NPTN: variants seen among roughly 807,000 people sequenced by gnomAD.
The protein encoded by NPTN is neuroplastin.
Under a neutral mutation model 42.7 loss-of-function variants are expected in NPTN, and 5 were observed. That is an observed-to-expected ratio of 0.12 (90% CI 0.06 to 0.25). The LOEUF (loss-of-function observed/expected upper bound fraction) is 0.25, where lower values mean the gene tolerates loss of function less well. Among genes scored for constraint, NPTN ranks in the 10% least tolerant of loss-of-function variants. NPTN has a pLI of 1.00. For synonymous variants in NPTN, 180 were observed against 201.9 expected, an observed-to-expected ratio of 0.89 and a Z score of 0.92; for missense variants, 307 against 525.4, an observed-to-expected ratio of 0.58 and a Z score of 4.06.
intron 7 of NPTN, among the ~76,000 whole-genome samples, chr15:73,562,914 C>A (rs1894767652): frequency 6.6e-6 from 1 of 151,826 alleles, no homozygotes; most frequent in Admixed American, 6.6e-5. Context: ...AACGTTTTAA[C>A]ATTGACAAAA....
intron 1 of NPTN, among the ~76,000 whole-genome samples, chr15:73,623,880 A>G (rs976568277): frequency 6.6e-6 from 1 of 152,122 alleles, no homozygotes; most frequent in Non-Finnish European, 1.5e-5. Flanking sequence ...GATGAGTGCA[A>G]ATAACTCTAT....
Position 73,569,280 on chromosome 15 carries a change from C to T in NPTN, c.1114+870G>A. The T allele has an allele frequency of 1.0e-6, 1 of 985,562 alleles. No homozygotes were observed. Among genetic ancestry groups the T allele is most frequent in the Non-Finnish European group, 1.2e-6 (1 of 830,022 alleles). The allele number at this position is 985,562 out of a possible 1,614,324, so 61.1% of individuals were successfully genotyped here. On this transcript the variant is annotated intron_variant, in intron 6 of 8. Transcript: ENST00000345330. This position sits in a 1 kb window ranked among gnomAD's most constrained non-coding sequence, Gnocchi z 4.1. ...AGATACAAGTCTCCATCAGCAGCTT[C>T]CCCCTTCACAGGAAAAATCGATCAC...
chr15:73,591,066 T>C (rs1335327407), intron 3 of NPTN, among the ~76,000 whole-genome samples: 1 of 152,226 alleles, frequency 6.6e-6, no homozygotes, highest in Non-Finnish European at 1.5e-5. Flanking sequence ...AAATACAGTA[T>C]TTGGCCTTAA....
chr15:73,614,223 G>T (rs1216339373), intron 1 of NPTN, among the ~76,000 whole-genome samples: 1 of 152,004 alleles, frequency 6.6e-6, no homozygotes, highest in East Asian at 1.9e-4. Flanking sequence ...GGGAGGCTAA[G>T]GTGGGAGGAT....
chr15:73,595,813 C>CCT (rs1376534040), intron 2 of NPTN, among the ~76,000 whole-genome samples: 1 of 152,114 alleles, frequency 6.6e-6, no homozygotes, highest in South Asian at 2.1e-4. Flanking sequence ...GTGGCTTCTC[C>CCT]CTCTCTCTGC....
chr15:73,579,804 G>A (rs897298119), intron 4 of NPTN, among the ~76,000 whole-genome samples: 2 of 152,102 alleles, frequency 1.3e-5, no homozygotes, highest in African/African-American at 4.8e-5. Context: ...TGAGTGAGCT[G>A]TACACATGGA....
chr15:73,615,696 T>A (rs1041310297), intron 1 of NPTN, among the ~76,000 whole-genome samples: 1 of 152,180 alleles, frequency 6.6e-6, no homozygotes, highest in Non-Finnish European at 1.5e-5. Flanking sequence ...AAAAAGTCTA[T>A]GTGGGCCTAT....
rs192281265 is a variant in NPTN, at chr15:73,624,252, G to T, written c.91+8873C>A. Among the ~76,000 whole-genome samples, 12 of 152,312 alleles carry T rather than the reference G, an allele frequency of 7.9e-5. No homozygotes were observed. The East Asian group carries it at 2.3e-3, about 29-fold the overall frequency. On this transcript the variant is annotated intron_variant, in intron 1 of 8. Coordinates refer to ENST00000345330, the MANE Select transcript of NPTN (RefSeq NM_012428.4). Reference sequence around the variant, plus strand: ...GATACGTGATCACTATGTTATTTGTGTAAGGGTAATTCAATGACAGTTCAC... The same window carrying T: ...GATACGTGATCACTATGTTATTTGTTTAAGGGTAATTCAATGACAGTTCAC...
intron 1 of NPTN, among the ~76,000 whole-genome samples, chr15:73,613,829 G>A (rs375974330): frequency 6.6e-6 from 1 of 151,934 alleles, no homozygotes; most frequent in East Asian, 1.9e-4. Context: ...GGGATTACAG[G>A]CGCCCACCAC....
chr15:73,617,432 G>A (rs1301858835), intron 1 of NPTN, among the ~76,000 whole-genome samples: 1 of 152,168 alleles, frequency 6.6e-6, no homozygotes, highest in African/African-American at 2.4e-5. Flanking sequence ...AATGCAGGAG[G>A]ATTCATCCTT....
At chr15:73,619,862 G>C (rs1329332075) in intron 1 of NPTN, among the ~76,000 whole-genome samples, 1 of 152,110 alleles carries the variant, frequency 6.6e-6, no homozygotes, top group Non-Finnish European at 1.5e-5. Context: ...TGGGTATTAG[G>C]GCAAAGAGAA....
intron 6 of NPTN, chr15:73,563,541 A>C: frequency 8.1e-7 from 1 of 1,228,636 alleles, no homozygotes; most frequent in Non-Finnish European, 1.0e-6. Context: ...ATAGGCTGCA[A>C]CATTGTTATA....
chr15:73,565,938 T>C (rs1166257866), intron 6 of NPTN, among the ~76,000 whole-genome samples: 1 of 152,200 alleles, frequency 6.6e-6, no homozygotes, highest in Non-Finnish European at 1.5e-5. Flanking sequence ...AAAGATGGCT[T>C]TAAAGTCCGA....
At chr15:73,591,925 C>T in intron 3 of NPTN, 41 bp downstream of exon 3, 1 of 1,567,202 alleles carries the variant, frequency 6.4e-7, no homozygotes, top group Middle Eastern at 2.1e-4. Context: ...AGCTCAGCCA[C>T]ACTCCCTCCC....
At chr15:73,594,859 TTAGA>T (rs1896758853) in intron 2 of NPTN, among the ~76,000 whole-genome samples, 2 of 151,998 alleles carry the variant, frequency 1.3e-5, no homozygotes, top group Admixed American at 6.6e-5. Flanking sequence ...GAGGTCATTC[TTAGA>T]TAGAACACCT....
At chr15:73,563,993 C>T (rs1894838812) in intron 6 of NPTN, among the ~76,000 whole-genome samples, 1 of 152,096 alleles carries the variant, frequency 6.6e-6, no homozygotes, top group Non-Finnish European at 1.5e-5. Context: ...GAAGCCAAAC[C>T]CAGGGGAGCC....
intron 1 of NPTN, among the ~76,000 whole-genome samples, chr15:73,614,940 T>C (rs1897791059): frequency 6.6e-6 from 1 of 152,140 alleles, no homozygotes; most frequent in Non-Finnish European, 1.5e-5. Flanking sequence ...TTTAAAAAAA[T>C]CAAATCCCTA....
Position 73,561,957 on chromosome 15 carries a change from T to G in NPTN, c.1150A>C (p.Thr384Pro). 6.3e-7 allele frequency: 1 copy of G among 1,593,798 alleles called. No individual in the cohort carries two copies. The highest frequency in any genetic ancestry group is 8.5e-7 in the Non-Finnish European group (1 of 1,174,732). Reference protein sequence around the residue: ...EPAGPMKTNSTNNHKDKNLRQ... With the variant: ...EPAGPMKTNSPNNHKDKNLRQ... ...AAGTTTTTATCTTTGTGATTGTTGG[T>G]AGAGTTGGTTTTCCTTTGGAGGAAA... is the stretch of plus-strand genomic sequence containing the variant. The change falls in exon 8 of 9, where the codon ACC becomes CCC. Residue 384 changes from threonine (T) to proline (P), a missense_variant. By Grantham distance (38) the Thr-to-Pro change is conservative. Around this residue, in one of 2 missense-constraint regions of NPTN, gnomAD observed 264 missense variants for 491.1 expected, o/e 0.54. Coordinates refer to ENST00000345330, the MANE Select transcript of NPTN (RefSeq NM_012428.4).
At chr15:73,619,979 G>A (rs79797220) in intron 1 of NPTN, among the ~76,000 whole-genome samples, 2,303 of 152,258 alleles carry the variant, frequency 0.015, 82 homozygotes, top group African/African-American at 0.052. Flanking sequence ...TGTCTAATAA[G>A]CGACTGAGAA....
Sources: gnomAD v4.1 joint callset for allele counts (sites outside exome capture counted in the v4.1 genomes callset) on GRCh38, gnomAD v4.1.1 for gene constraint, gnomAD v4.1.1 regional missense constraint, Gnocchi (gnomAD v3.1) non-coding constraint, MANE v1.5 for transcripts, NCBI Gene and HGNC (gene_info 2026-07-23, HGNC 2026-07-21) for gene names.